Variants in XKR6 observed in about 807,000 individuals in gnomAD.
XKR6 encodes XK related 6, also known as XK-related protein 6.
A neutral mutation model predicts 56.7 loss-of-function variants in XKR6; 22 were observed. The observed-to-expected ratio is 0.39, with a 90% CI of 0.28 to 0.55. The LOEUF (loss-of-function observed/expected upper bound fraction) is 0.55, where lower values mean the gene tolerates loss of function less well. Among genes scored for constraint, XKR6 ranks in the 20% least tolerant of loss-of-function variants. XKR6 has a pLI of 0.66. For synonymous variants in XKR6, 524 were observed against 387.8 expected (o/e 1.35, Z -4.13); for missense variants, 852 against 889.0 (o/e 0.96, Z 0.53).
rs113922894 is a variant in XKR6 at position 10,950,468 on chromosome 8, C to T, written c.765-25638G>A. Among the ~76,000 whole-genome samples the T allele has an allele frequency of 4.4e-3, 663 of 152,286 alleles. 3 individuals carry two copies. The highest frequency in any genetic ancestry group is 0.016 in the South Asian group (75 of 4,820). On this transcript the variant is annotated intron_variant, in intron 1 of 2. Transcript: ENST00000416569. Reference sequence around the variant, plus strand: ...TCCTGTCATTCCCACTGACCAGCCCCGAGATGGCAAGAACCACATCAGCAT... The same window carrying T: ...TCCTGTCATTCCCACTGACCAGCCCTGAGATGGCAAGAACCACATCAGCAT...
rs577077533 is a variant in XKR6, at chr8:11,165,381, A to C, written c.764+35195T>G. On this transcript the variant is annotated intron_variant, in intron 1 of 2. Coordinates refer to ENST00000416569, the MANE Select transcript of XKR6 (RefSeq NM_173683.4). The stretch of plus-strand genomic sequence containing the variant: ...CCAAAGTGCTAGGATTACGGGCATG[A>C]GCCACAGTGCCCAGCTGGCTATCGC... Among the ~76,000 whole-genome samples, 8 of 152,232 alleles carry C rather than the reference A, an allele frequency of 5.3e-5. No homozygotes were observed. In the East Asian group the frequency reaches 1.2e-3, roughly 22 times the overall value.
intron 1 of XKR6, among the ~76,000 whole-genome samples, chr8:11,181,287 T>C (rs1401553672): frequency 6.6e-6 from 1 of 152,226 alleles, no homozygotes; most frequent in Non-Finnish European, 1.5e-5. Flanking sequence ...CATAATGAAA[T>C]TTTTTCTTAA....
At chr8:10,968,899 T>C (rs1486379815) in intron 1 of XKR6, among the ~76,000 whole-genome samples, 1 of 152,356 alleles carries the variant, frequency 6.6e-6, no homozygotes, top group East Asian at 1.9e-4. Flanking sequence ...CAGTCTGCCC[T>C]CTCAGTAACA....
intron 2 of XKR6, among the ~76,000 whole-genome samples, chr8:10,922,664 G>A (rs535263616): frequency 3.3e-5 from 5 of 152,282 alleles, no homozygotes; most frequent in East Asian, 1.9e-4. Flanking sequence ...TCCCATGGCC[G>A]CAGCTGTGGG....
intron 1 of XKR6, among the ~76,000 whole-genome samples, chr8:11,197,250 T>C (rs1018177696): frequency 1.3e-4 from 20 of 152,146 alleles, no homozygotes; most frequent in African/African-American, 4.6e-4. Flanking sequence ...ACTACATCCA[T>C]TAAATGGGAG....
At position 11,093,238 on chromosome 8, in the gene XKR6, A is replaced by G. The variant is rs1798140714; in HGVS notation, c.764+107338T>C. On this transcript the variant is annotated intron_variant, in intron 1 of 2. Transcript: ENST00000416569. ...GCCCGGCTAATTTTGTATTTTTAGT[A>G]GAGACAGGCTTTCACCATGTTGACC... 3.3e-5 allele frequency among the ~76,000 whole-genome samples: 5 copies of G among 151,992 alleles called. No individual in the cohort carries two copies. The South Asian group carries it at 1.0e-3, about 32-fold the overall frequency.
At chr8:11,132,892 C>T (rs992553974) in intron 1 of XKR6, among the ~76,000 whole-genome samples, 6 of 149,372 alleles carry the variant, frequency 4.0e-5, no homozygotes, top group African/African-American at 1.5e-4. Context: ...ATGGAGATGC[C>T]AGAAATAAAT....
In XKR6 at chr8:10,896,512, T is replaced by G. The variant is rs1000416165; in HGVS notation, c.*1440A>C. The G allele has an allele frequency of 3.9e-5, 6 of 152,678 alleles. No homozygotes were observed. In the East Asian group the frequency reaches 1.2e-3, roughly 29 times the overall value. The allele number at this position is 152,678 out of a possible 1,614,324, so 9.5% of individuals were successfully genotyped here. On this transcript the variant is annotated 3_prime_UTR_variant, in exon 3 of 3. Coordinates refer to ENST00000416569, the MANE Select transcript of XKR6 (RefSeq NM_173683.4). ...GTTTTGTATATCTCTGGCAAGACTT[T>G]GCAGCAGGGACACACACATATATAC...
rs768841777 is a variant in XKR6, at chr8:10,898,017, C to T, written c.1861G>A (p.Val621Ile). The T allele has an allele frequency of 1.2e-6, 2 of 1,613,568 alleles. No individual in the cohort carries two copies. The highest frequency in any genetic ancestry group is 1.7e-6 in the Non-Finnish European group (2 of 1,179,776). ...GGTCCGTCTCGATATCGAATGCCTA[C>T]TGCGGTGGGGGTGACATATTGTAGA... ...NILQYVTPTA[V>I]GIRYRDGPLL... is the part of the protein sequence containing the mutation. The change falls in exon 3 of 3, where the codon GTA becomes ATA. Residue 621 changes from valine (V) to isoleucine (I), a missense_variant. Val to Ile is a conservative substitution (Grantham distance 29). Transcript: ENST00000416569. The surrounding 1 kb of genome is among the most constrained non-coding windows in gnomAD (Gnocchi z 6.6).
chr8:11,186,913 A>C (rs1803306044), intron 1 of XKR6, among the ~76,000 whole-genome samples: 3 of 152,224 alleles, frequency 2.0e-5, no homozygotes, highest in African/African-American at 7.2e-5. Flanking sequence ...ACTGCCTCTC[A>C]TATTTAACTA....
At chr8:11,192,590 G>A (rs1415676730) in intron 1 of XKR6, among the ~76,000 whole-genome samples, 1 of 152,012 alleles carries the variant, frequency 6.6e-6, no homozygotes, top group Non-Finnish European at 1.5e-5. Context: ...ACTCCAGCCT[G>A]GGAAACAGAG....
chr8:11,130,921 G>A (rs1008087984), intron 1 of XKR6, among the ~76,000 whole-genome samples: 1 of 152,028 alleles, frequency 6.6e-6, no homozygotes, highest in Non-Finnish European at 1.5e-5. Context: ...TCCCCAAATA[G>A]TAGATTTTAT....
At chr8:11,160,603 A>G (rs1801747985) in intron 1 of XKR6, among the ~76,000 whole-genome samples, 1 of 152,146 alleles carries the variant, frequency 6.6e-6, no homozygotes, top group Non-Finnish European at 1.5e-5. Context: ...TACCAATGTA[A>G]TGATGCCTTA....
intron 1 of XKR6, among the ~76,000 whole-genome samples, chr8:11,075,040 G>A (rs547610107): frequency 1.3e-5 from 2 of 152,166 alleles, no homozygotes; most frequent in Non-Finnish European, 2.9e-5. Flanking sequence ...GACTTGGCTG[G>A]TGGCACCCTC....
intron 1 of XKR6, among the ~76,000 whole-genome samples, chr8:11,079,448 T>A (rs1465942342): frequency 1.3e-5 from 2 of 152,248 alleles, no homozygotes; most frequent in Non-Finnish European, 2.9e-5. Flanking sequence ...TTATCCCATT[T>A]TTGTAAAATA....
At chr8:11,119,201 C>A (rs1799327070) in intron 1 of XKR6, among the ~76,000 whole-genome samples, 2 of 152,134 alleles carry the variant, frequency 1.3e-5, no homozygotes, top group African/African-American at 2.4e-5. Flanking sequence ...TGTTCTTTTA[C>A]ATTTGCTGAG....
At chr8:11,139,119 A>G (rs1428700546) in intron 1 of XKR6, among the ~76,000 whole-genome samples, 1 of 152,246 alleles carries the variant, frequency 6.6e-6, no homozygotes, top group Non-Finnish European at 1.5e-5. Flanking sequence ...TGCAAATTAC[A>G]AAGCTTTAAC....
At chr8:11,120,892 A>G (rs1023000651) in intron 1 of XKR6, among the ~76,000 whole-genome samples, 17 of 152,194 alleles carry the variant, frequency 1.1e-4, no homozygotes, top group African/African-American at 3.9e-4. Flanking sequence ...GCATATCTAC[A>G]ACTATCTGAT....
At chr8:11,129,020 T>C (rs924753905) in intron 1 of XKR6, 5 of 454,716 alleles carry the variant, frequency 1.1e-5, no homozygotes, top group Admixed American at 2.4e-5. Context: ...AGGTGAAACT[T>C]ACACACAGTG....
Sources: gnomAD v4.1 joint callset for allele counts (sites outside exome capture counted in the v4.1 genomes callset) on GRCh38, gnomAD v4.1.1 for gene constraint, Gnocchi (gnomAD v3.1) non-coding constraint, MANE v1.5 for transcripts, NCBI Gene and HGNC (gene_info 2026-07-23, HGNC 2026-07-21) for gene names.